Variants in PCM1 observed in about 807,000 individuals in gnomAD.
PCM1 encodes pericentriolar material 1, also known as pericentriolar material 1 protein.
PCM1 carries 157 observed loss-of-function variants against 241.9 expected under a neutral mutation model. The ratio of observed to expected loss-of-function variants is 0.65; its 90% CI spans 0.57 to 0.74. The LOEUF is 0.74. Among genes scored for constraint, PCM1 ranks in the 30% least tolerant of loss-of-function variants. The probability of loss-of-function intolerance (pLI) is 0.00; values close to 1 mark genes in which losing one functional copy is unlikely to be tolerated. For missense variants in PCM1, 3,478 were observed against 2,360.1 expected, an observed-to-expected ratio of 1.47 and a Z score of -9.81; for synonymous variants, 1,085 against 784.9, an observed-to-expected ratio of 1.38 and a Z score of -6.39.
intron 17 of PCM1, 74 bp downstream of exon 17, chr8:17,963,365 A>G (rs1451404769): frequency 3.7e-6 from 4 of 1,069,376 alleles, no homozygotes; most frequent in African/African-American, 1.6e-5. Context: ...AGGCAGCCAC[A>G]TTTCTCCTCT....
At chr8:17,979,141 A>T (rs1406546238) in intron 23 of PCM1, among the ~76,000 whole-genome samples, 1 of 152,092 alleles carries the variant, frequency 6.6e-6, no homozygotes, top group Non-Finnish European at 1.5e-5. Flanking sequence ...AAGAAAAAAA[A>T]AAAAAAAGCA....
intron 34 of PCM1, 82 bp from the exon 35 acceptor site, chr8:18,013,882 C>A: frequency 1.2e-6 from 1 of 807,418 alleles, no homozygotes; most frequent in Non-Finnish European, 2.0e-6. Flanking sequence ...TTGGGTTGGA[C>A]AAAAACTACA....
At position 17,972,486 on chromosome 8, in the gene PCM1, G is replaced by C; in HGVS notation, c.3742G>C (p.Gly1248Arg). 6.2e-7 allele frequency: 1 copy of C among 1,613,844 alleles called. No individual in the cohort carries two copies. Among genetic ancestry groups the C allele is most frequent in the Non-Finnish European group, 8.5e-7 (1 of 1,179,802 alleles). Residue 1248 changes from glycine to arginine, a missense_variant, in exon 23 of 39, where the codon GGA (glycine) becomes CGA (arginine). By Grantham distance (125) the Gly-to-Arg change is moderately radical. Transcript: ENST00000325083. ...SNRKNQLDTNGRRRQFDEESL... is the reference protein window; with the variant it reads ...SNRKNQLDTNRRRRQFDEESL... ...CCGCAAAAATCAATTAGATACAAAC[G>C]GAAGAAGACGCCAGTTTGATGAAGA... is the stretch of plus-strand genomic sequence containing the variant.
At chr8:17,987,417 A>G (rs1018762250) in intron 26 of PCM1, among the ~76,000 whole-genome samples, 1 of 151,804 alleles carries the variant, frequency 6.6e-6, no homozygotes, top group Admixed American at 6.6e-5. Flanking sequence ...TACAGGCAGC[A>G]TTACTTCCAT....
Position 17,956,681 on chromosome 8 carries a change from TGAC to T in PCM1, c.1551_1553del (p.Met517_Thr518delinsIle), listed in dbSNP as rs751397339. On this transcript the variant is annotated inframe_deletion, in exon 11 of 39. Transcript: ENST00000325083. ...TATTATGAACAAACGTCAGACATGA[TGAC>T]AGATGCTGTGAATGAAAACAGGAAA... 2 of 1,599,968 alleles carry T rather than the reference TGAC, an allele frequency of 1.3e-6. No individual in the cohort carries two copies. The highest frequency in any genetic ancestry group is 1.7e-6 in the Non-Finnish European group (2 of 1,169,410).
chr8:18,014,055 T>A lies in PCM1; in HGVS notation c.5584+19T>A. The A allele has an allele frequency of 1.5e-6, 2 of 1,377,520 alleles. No individual in the cohort carries two copies. Among genetic ancestry groups the A allele is most frequent in the Non-Finnish European group, 2.0e-6 (2 of 997,762 alleles). 85.3% of individuals were successfully genotyped at this position (1,377,520 alleles called of 1,614,324 possible). On this transcript the variant is annotated intron_variant, in intron 35 of 38. Coordinates refer to ENST00000325083, the MANE Select transcript of PCM1 (RefSeq NM_006197.4). ...AGTAAAAGTAAGAAATCTAAATAAG[T>A]CTTTGATTTTAAGATAATTTCCTTT... is the stretch of plus-strand genomic sequence containing the variant.
At chr8:17,998,246 G>A (rs1258038926) in intron 29 of PCM1, among the ~76,000 whole-genome samples, 1 of 151,998 alleles carries the variant, frequency 6.6e-6, no homozygotes, top group African/African-American at 2.4e-5. Flanking sequence ...CTTGATGTTT[G>A]TGGATGTTTG....
intron 22 of PCM1, among the ~76,000 whole-genome samples, chr8:17,971,899 G>C (rs1451574551): frequency 6.6e-6 from 1 of 152,096 alleles, no homozygotes; most frequent in Non-Finnish European, 1.5e-5. Flanking sequence ...ACATGCCACT[G>C]TGCCTGGCTC....
In PCM1 at chr8:18,011,752, A is replaced by G. The variant is rs200996427; in HGVS notation, c.5436A>G (p.Glu1812=). ...AGGATGAAGAAATGGAAGAATTTGA[A>G]GAAGGCCCTGTGGATGTCCAGACTT... is the stretch of plus-strand genomic sequence containing the variant. ...ENEDEEMEEF[E]EGPVDVQTSL... Residue 1812 remains glutamate, a synonymous_variant, in exon 34 of 39, where the codon GAA becomes GAG. Coordinates refer to ENST00000325083, the MANE Select transcript of PCM1 (RefSeq NM_006197.4). The G allele has an allele frequency of 1.2e-3, 1,909 of 1,613,840 alleles. No homozygotes were observed. The highest frequency in any genetic ancestry group is 1.5e-3 in the Non-Finnish European group (1,818 of 1,179,792).
intron 13 of PCM1, 45 bp downstream of exon 13, chr8:17,957,820 C>T (rs760775392): frequency 1.6e-6 from 2 of 1,274,144 alleles, no homozygotes; most frequent in African/African-American, 1.5e-5. Context: ...TCAAATAGTA[C>T]AGTCTTAAGT....
At chr8:17,941,250 C>T (rs996604624) in intron 6 of PCM1, among the ~76,000 whole-genome samples, 2 of 152,088 alleles carry the variant, frequency 1.3e-5, no homozygotes, top group African/African-American at 2.4e-5. Context: ...TAAAGGAATT[C>T]TGTTGGGGAG....
chr8:17,931,598 A>C (rs913189653), intron 2 of PCM1, among the ~76,000 whole-genome samples: 1 of 152,192 alleles, frequency 6.6e-6, no homozygotes, highest in Admixed American at 6.5e-5. Flanking sequence ...TTATTCTATT[A>C]ATAGAAAGTA....
chr8:17,973,213 A>T (rs999081895), intron 23 of PCM1, among the ~76,000 whole-genome samples: 27 of 152,150 alleles, frequency 1.8e-4, no homozygotes, highest in Non-Finnish European at 3.1e-4. Flanking sequence ...TGTTTAAAAA[A>T]TTTTTTTAAA....
intron 17 of PCM1, among the ~76,000 whole-genome samples, chr8:17,963,757 G>T (rs2073624554): frequency 6.6e-6 from 1 of 152,106 alleles, no homozygotes; most frequent in African/African-American, 2.4e-5. Context: ...TTCTAAAAGA[G>T]TTGGTCATCT....
At chr8:17,944,734 A>G (rs1032894812) in intron 6 of PCM1, among the ~76,000 whole-genome samples, 6 of 152,154 alleles carry the variant, frequency 3.9e-5, no homozygotes, top group Non-Finnish European at 5.9e-5. Flanking sequence ...ATTTCATCAT[A>G]GGCTGTACTC....
intron 6 of PCM1, among the ~76,000 whole-genome samples, chr8:17,940,732 TG>T (rs1554624653): frequency 6.6e-6 from 1 of 152,160 alleles, no homozygotes; most frequent in Non-Finnish European, 1.5e-5. Context: ...CTTGGCAAAA[TG>T]GAATTTGTTG....
At chr8:17,999,044 G>A (rs1376099609) in intron 29 of PCM1, among the ~76,000 whole-genome samples, 1 of 152,108 alleles carries the variant, frequency 6.6e-6, no homozygotes, top group East Asian at 1.9e-4. Flanking sequence ...ACCCTTCAGG[G>A]CAGTGGGCTC....
chr8:17,963,988 C>G (rs918498723), intron 17 of PCM1, among the ~76,000 whole-genome samples: 2 of 152,112 alleles, frequency 1.3e-5, no homozygotes, highest in South Asian at 2.1e-4. Context: ...TTATTCTGTT[C>G]TGGGTACTAC....
chr8:17,983,112 G>C lies in PCM1; in HGVS notation c.4109-2335G>C, dbSNP rs553761593. ...AAGTAGAGCGTAAGCCTTAGTTCAGGCAAACAATTTTAAAGAAATTCGCTT... is the reference window on the plus strand; with the variant it reads ...AAGTAGAGCGTAAGCCTTAGTTCAGCCAAACAATTTTAAAGAAATTCGCTT... On this transcript the variant is annotated intron_variant, in intron 24 of 38. Coordinates refer to ENST00000325083, the MANE Select transcript of PCM1 (RefSeq NM_006197.4). The C allele has an allele frequency of 1.3e-3, 476 of 358,640 alleles. 2 individuals are homozygous for C. Among genetic ancestry groups the C allele is most frequent in the Non-Finnish European group, 1.9e-3 (402 of 207,890 alleles). The allele number at this position is 358,640 out of a possible 1,614,324, so 22.2% of individuals were successfully genotyped here. A position where few individuals can be genotyped will look rare whatever the true frequency, so the allele number is the denominator to read the frequency against.
Sources: gnomAD v4.1 joint callset for allele counts (sites outside exome capture counted in the v4.1 genomes callset) on GRCh38, gnomAD v4.1.1 for gene constraint, MANE v1.5 for transcripts, NCBI Gene and HGNC (gene_info 2026-07-23, HGNC 2026-07-21) for gene names.